Variants in SLC6A19 observed in about 807,000 individuals in gnomAD.
SLC6A19 encodes the protein sodium-dependent neutral amino acid transporter B(0)AT1.
A neutral mutation model predicts 68.3 loss-of-function variants in SLC6A19; 67 were observed. That is an observed-to-expected ratio of 0.98 (90% confidence interval 0.81 to 1.20). SLC6A19 has a LOEUF of 1.20. SLC6A19 is among the 50% of genes most tolerant of loss of function. SLC6A19 has a pLI of 0.00. For synonymous variants in SLC6A19, 392 were observed against 374.9 expected (o/e 1.05, Z -0.53); for missense variants, 813 against 851.6 (o/e 0.95, Z 0.56).
At chr5:1,206,239 TTCTCTCTC>T (rs543532535) in intron 1 of SLC6A19, among the ~76,000 whole-genome samples, 2,935 of 151,570 alleles carry the variant, frequency 0.019, 90 homozygotes, top group African/African-American at 0.068. Context: ...CCCTCCCTCC[TTCTCTCTC>T]TCTCTCTCCA....
chr5:1,216,456 C>T (rs546717355), intron 6 of SLC6A19, 102 bp from the exon 7 acceptor site: 6 of 1,563,466 alleles, frequency 3.8e-6, no homozygotes, highest in African/African-American at 1.4e-5. Flanking sequence ...CAGCCTCTCA[C>T]TCCTGGGGCT....
At chr5:1,219,194 G>A (rs770552766) in intron 9 of SLC6A19, 87 bp downstream of exon 9, 70 of 1,291,178 alleles carry the variant, frequency 5.4e-5, no homozygotes, top group Non-Finnish European at 6.8e-5. Context: ...CTCTGTCCCC[G>A]GCCGTGCGTG....
chr5:1,201,937 C>CG, intron 1 of SLC6A19, 85 bp downstream of exon 1: 2 of 1,474,520 alleles, frequency 1.4e-6, no homozygotes, highest in Non-Finnish European at 1.8e-6. Flanking sequence ...ACATCCTCCC[C>CG]GGACCCTCGG....
At chr5:1,219,438 A>G (rs536916433) in intron 9 of SLC6A19, 67 bp from the exon 10 acceptor site, 1 of 1,594,578 alleles carries the variant, frequency 6.3e-7, no homozygotes, top group South Asian at 1.1e-5. Flanking sequence ...AGTTGTGTGA[A>G]CAGCTCTGTC....
chr5:1,215,741 G>A lies in SLC6A19; in HGVS notation c.888-817G>A, dbSNP rs1184665706. Among the ~76,000 whole-genome samples, 2 of 152,204 alleles carry A rather than the reference G, an allele frequency of 1.3e-5. No individual in the cohort carries two copies. Among genetic ancestry groups the A allele is most frequent in the Non-Finnish European group, 2.9e-5 (2 of 68,034 alleles). ...TGGACGCATGCTTTCGTTCTTCTGG[G>A]TGTGCGCCTAGGAGTGGAGTTGCTG... is the stretch of plus-strand genomic sequence containing the variant. On this transcript the variant is annotated intron_variant, in intron 6 of 11. Coordinates refer to ENST00000304460, the MANE Select transcript of SLC6A19 (RefSeq NM_001003841.3). This position sits in a 1 kb window ranked among gnomAD's most constrained non-coding sequence, Gnocchi z 5.1.
chr5:1,210,061 C>T (rs765273407), intron 2 of SLC6A19, among the ~76,000 whole-genome samples: 12 of 152,258 alleles, frequency 7.9e-5, no homozygotes, highest in African/African-American at 1.7e-4. Flanking sequence ...TCCCCCAGCC[C>T]GTAGGCAGCA....
intron 3 of SLC6A19, 40 bp downstream of exon 3, chr5:1,210,621 G>A: frequency 1.2e-6 from 2 of 1,609,172 alleles, no homozygotes. Flanking sequence ...TCACCTGTGA[G>A]GCTGTTGTGT....
chr5:1,223,252 A>G lies in SLC6A19; in HGVS notation c.*1348A>G, dbSNP rs1746445310. 1 of 152,250 alleles carries G rather than the reference A, an allele frequency of 6.6e-6. No homozygotes were observed. Among genetic ancestry groups the G allele is most frequent in the Non-Finnish European group, 1.5e-5 (1 of 68,046 alleles). The allele number at this position is 152,250 out of a possible 1,614,324, so 9.4% of individuals were successfully genotyped here. Reference sequence around the variant, plus strand: ...TAGATGAGCAGTTAAATAAAACTCAACTTGGCATAATTCAAGGCAAATACC... The same window carrying G: ...TAGATGAGCAGTTAAATAAAACTCAGCTTGGCATAATTCAAGGCAAATACC... On this transcript the variant is annotated 3_prime_UTR_variant, in exon 12 of 12. Transcript: ENST00000304460.
In SLC6A19 at chr5:1,202,185, C is replaced by T. The variant is rs573047431; in HGVS notation, c.202+333C>T. On this transcript the variant is annotated intron_variant, in intron 1 of 11. Coordinates refer to ENST00000304460, the MANE Select transcript of SLC6A19 (RefSeq NM_001003841.3). ...TGTTTCTCCCGGTACAGCCCCTCCTCGGAGGACGCGGGGCTGGGCCCTCCT... is the reference window on the plus strand; with the variant it reads ...TGTTTCTCCCGGTACAGCCCCTCCTTGGAGGACGCGGGGCTGGGCCCTCCT... 1.1e-4 allele frequency among the ~76,000 whole-genome samples: 16 copies of T among 152,340 alleles called. 1 individual carries two copies. Among genetic ancestry groups the T allele is most frequent in the Admixed American group, 3.3e-4 (5 of 15,310 alleles).
In SLC6A19 at chr5:1,208,967, C is replaced by A. The variant is rs1745938608; in HGVS notation, c.343+81C>A. ...CGTTCCACCCGGGCCCAGGGTTCGC[C>A]TTGCCGGCCTCGGTGCCCCTGCTCT... On this transcript the variant is annotated intron_variant, in intron 2 of 11. Transcript: ENST00000304460. The A allele has an allele frequency of 3.3e-6, 5 of 1,519,054 alleles. No homozygotes were observed. In the South Asian group the frequency reaches 6.1e-5, roughly 18 times the overall value. 94.1% of individuals were successfully genotyped at this position (1,519,054 alleles called of 1,614,324 possible).
At chr5:1,208,680 C>A (rs569716575) in intron 1 of SLC6A19, 66 bp from the exon 2 acceptor site, 1 of 1,610,096 alleles carries the variant, frequency 6.2e-7, no homozygotes, top group African/African-American at 1.3e-5. Flanking sequence ...AATGCCTGCT[C>A]CCGAGGGAGG....
At chr5:1,216,429 C>A in intron 6 of SLC6A19, 129 bp from the exon 7 acceptor site, 1 of 1,371,622 alleles carries the variant, frequency 7.3e-7, no homozygotes. Flanking sequence ...ACTGCCTCCC[C>A]GTGTCACTCA....
rs750418535 is a variant in SLC6A19 at position 1,208,802 on chromosome 5, T to C, written c.259T>C (p.Tyr87His). The C allele has an allele frequency of 2.5e-6, 4 of 1,613,136 alleles. No individual in the cohort carries two copies. Among genetic ancestry groups the C allele is most frequent in the Non-Finnish European group, 3.4e-6 (4 of 1,179,984 alleles). The change falls in exon 2 of 12, where the codon TAC becomes CAC. Residue 87 changes from tyrosine (Y) to histidine (H), a missense_variant. Physicochemically the swap from Tyr to His is moderately conservative, Grantham distance 83. Transcript: ENST00000304460. The stretch of plus-strand genomic sequence containing the variant: ...GGTCCTGGAGGGCATCCCCCTGCTG[T>C]ACCTGGAGTTCGCCATCGGGCAGCG... ...LLVLEGIPLL[Y>H]LEFAIGQRLR...
chr5:1,206,398 C>G (rs548942205), intron 1 of SLC6A19, among the ~76,000 whole-genome samples: 1 of 79,512 alleles, frequency 1.3e-5, no homozygotes, highest in African/African-American at 2.9e-5. Flanking sequence ...CTGCCTCCCT[C>G]TCTGTCTCTG....
Position 1,219,087 on chromosome 5 carries a change from G to T in SLC6A19, c.1358G>T (p.Trp453Leu). 1.2e-6 allele frequency: 2 copies of T among 1,613,566 alleles called. No homozygotes were observed. The highest frequency in any genetic ancestry group is 1.7e-6 in the Non-Finnish European group (2 of 1,179,818). ...GACCTCAGAGTCATCCCCCCGAAGTGGCCCAAGGAGGTGCTCACAGGTACG... is the reference window on the plus strand; with the variant it reads ...GACCTCAGAGTCATCCCCCCGAAGTTGCCCAAGGAGGTGCTCACAGGTACG... ...LQDLRVIPPK[W>L]PKEVLTGLIC... The change falls in exon 9 of 12, where the codon TGG becomes TTG. Residue 453 changes from tryptophan to leucine, a missense_variant. By Grantham distance (61) the Trp-to-Leu change is moderately conservative. Transcript: ENST00000304460.
At chr5:1,202,051 G>A (rs1189605865) in intron 1 of SLC6A19, among the ~76,000 whole-genome samples, 199 bp downstream of exon 1, 1 of 152,236 alleles carries the variant, frequency 6.6e-6, no homozygotes, top group Non-Finnish European at 1.5e-5. Context: ...GAGGAGATGG[G>A]CCTGGCCGGC....
intron 7 of SLC6A19, 21 bp from the exon 8 acceptor site, chr5:1,216,768 C>T: frequency 6.2e-7 from 1 of 1,613,734 alleles, no homozygotes; most frequent in Non-Finnish European, 8.5e-7. Flanking sequence ...AGGTGGCCGT[C>T]AGCCTCAATC....
intron 1 of SLC6A19, among the ~76,000 whole-genome samples, chr5:1,203,972 C>T (rs1745784184): frequency 6.6e-6 from 1 of 152,186 alleles, no homozygotes. Context: ...TCCTGGGGGC[C>T]TCATGGGCAC....
In SLC6A19 at chr5:1,214,426, C is replaced by T. The variant is rs539694045; in HGVS notation, c.887+361C>T. Among the ~76,000 whole-genome samples, 30 of 152,276 alleles carry T rather than the reference C, an allele frequency of 2.0e-4. No individual in the cohort carries two copies. The highest frequency in any genetic ancestry group is 3.9e-4 in the East Asian group (2 of 5,172). ...CAGGCCCCCAGACATGTGGCGCCCC[C>T]GACGCCCTCCACGTCCCCGACCAAG... On this transcript the variant is annotated intron_variant, in intron 6 of 11. Transcript: ENST00000304460. The surrounding 1 kb of genome is among the most constrained non-coding windows in gnomAD (Gnocchi z 7.4).
Sources: allele counts gnomAD v4.1 joint callset (sites outside exome capture counted in the v4.1 genomes callset), GRCh38; gene constraint gnomAD v4.1.1; non-coding constraint Gnocchi (gnomAD v3.1); transcripts MANE v1.5; gene names NCBI Gene and HGNC (gene_info 2026-07-23, HGNC 2026-07-21).